The following DEK variants were observed in gnomAD, a reference collection of about 807,000 sequenced individuals.
DEK encodes DEK proto-oncogene, also known as protein DEK.
DEK carries 28 observed loss-of-function variants against 46.8 expected under a neutral mutation model. The ratio of observed to expected loss-of-function variants is 0.60; its 90% CI spans 0.44 to 0.82. DEK has a LOEUF of 0.82. DEK is among the 40% of genes least tolerant of loss of function. The pLI is 0.00. For synonymous variants in DEK, 160 were observed against 144.5 expected, an observed-to-expected ratio of 1.11 and a Z score of -0.77; for missense variants, 416 against 430.6, an observed-to-expected ratio of 0.97 and a Z score of 0.30.
rs989064159 is a variant in DEK at position 18,227,623 on chromosome 6, TTTTTC to T, written c.1048-1386_1048-1382del. Among the ~76,000 whole-genome samples the T allele has an allele frequency of 9.9e-5, 15 of 152,268 alleles. No homozygotes were observed. In the South Asian group the frequency reaches 1.0e-3, roughly 11 times the overall value. ...TATTTCTTTCTCTATACTTTGTGTC[TTTTTC>T]TTTTCTAAGTCTCTCGTTTCACCTA... On this transcript the variant is annotated intron_variant, in intron 9 of 10. Transcript: ENST00000652689.
intron 2 of DEK, among the ~76,000 whole-genome samples, chr6:18,260,094 T>A (rs900504743): frequency 6.6e-6 from 1 of 152,164 alleles, no homozygotes; most frequent in African/African-American, 2.4e-5. Context: ...AGGACGCCCC[T>A]CAGATGCCAA....
chr6:18,227,792 A>T (rs1790208107), intron 9 of DEK, among the ~76,000 whole-genome samples: 1 of 152,226 alleles, frequency 6.6e-6, no homozygotes, highest in South Asian at 2.1e-4. Flanking sequence ...TAAGTTCTTT[A>T]TGTTGGCAAG....
rs771080663 is a variant in DEK at position 18,249,799 on chromosome 6, T to A, written c.614A>T (p.Lys205Ile). ...KSKKTCSKGS[K>I]KERNSSGMAR... ...CATTCCAGAACTGTTCCGTTCCTTT[T>A]TACTGCCTTTGCTACAAGTTTTTTT... The change falls in exon 7 of 11, where the codon AAA becomes ATA. Residue 205 changes from lysine to isoleucine, a missense_variant. By Grantham distance (102) the Lys-to-Ile change is moderately radical. Coordinates refer to ENST00000652689, the MANE Select transcript of DEK (RefSeq NM_003472.4). 3 of 1,604,364 alleles carry A rather than the reference T, an allele frequency of 1.9e-6. No homozygotes were observed. Among genetic ancestry groups the A allele is most frequent in the Non-Finnish European group, 2.5e-6 (3 of 1,177,644 alleles).
At chr6:18,239,920 T>C (rs576423938) in intron 7 of DEK, among the ~76,000 whole-genome samples, 4 of 152,210 alleles carry the variant, frequency 2.6e-5, no homozygotes, top group Non-Finnish European at 5.9e-5. Context: ...TATATATCAT[T>C]TTTTAGTTAA....
intron 7 of DEK, among the ~76,000 whole-genome samples, chr6:18,245,398 T>G (rs1791068619): frequency 6.6e-6 from 1 of 151,272 alleles, no homozygotes; most frequent in Admixed American, 6.6e-5. Context: ...AATAAACTCC[T>G]GTTTCGAACA....
In DEK at chr6:18,257,934, A is replaced by C. The variant is rs1344183531; in HGVS notation, c.357+19T>G. 1 of 1,540,780 alleles carries C rather than the reference A, an allele frequency of 6.5e-7. No homozygotes were observed. Among genetic ancestry groups the C allele is most frequent in the South Asian group, 1.2e-5 (1 of 83,018 alleles). ...GTGAAGTAATATACAAGTAGGTTTAAAGTGTAAAAAGGTCTTACAGTGCCT... is the reference window on the plus strand; with the variant it reads ...GTGAAGTAATATACAAGTAGGTTTACAGTGTAAAAAGGTCTTACAGTGCCT... On this transcript the variant is annotated intron_variant, in intron 4 of 10. Transcript: ENST00000652689.
chr6:18,259,394 C>CAAAAAAAAAAAAAA (rs56704006), intron 2 of DEK, among the ~76,000 whole-genome samples: 2 of 41,482 alleles, frequency 4.8e-5, no homozygotes, highest in Non-Finnish European at 5.2e-5. Context: ...GACTCCGTCT[C>CAAAAAAAAAAAAAA]AAAAAAAAAA....
chr6:18,238,683 CAAA>C (rs201851628), intron 7 of DEK, among the ~76,000 whole-genome samples: 6 of 91,804 alleles, frequency 6.5e-5, no homozygotes, highest in Non-Finnish European at 1.1e-4. Flanking sequence ...GAGACTGTCT[CAAA>C]AAAAAAAAAA....
chr6:18,235,842 G>A (rs1295169438), intron 9 of DEK, among the ~76,000 whole-genome samples: 1 of 152,050 alleles, frequency 6.6e-6, no homozygotes, highest in African/African-American at 2.4e-5. Flanking sequence ...ATCAATGAAT[G>A]GTGAATGAAT....
rs755413381 is a variant in DEK at position 18,237,413 on chromosome 6, GTGC to G, written c.863_865del (p.Ser288del). On this transcript the variant is annotated inframe_deletion, in exon 8 of 11. Transcript: ENST00000652689. Reference sequence around the variant, plus strand: ...GGAACTGTTTTGATTCTTCTTGGTGGTGCTGCTATCTGCTTTCTTAACATTGGC... The same window carrying G: ...GGAACTGTTTTGATTCTTCTTGGTGGTGCTATCTGCTTTCTTAACATTGGC... The G allele has an allele frequency of 6.2e-7, 1 of 1,606,924 alleles. No individual in the cohort carries two copies. The highest frequency in any genetic ancestry group is 8.5e-7 in the Non-Finnish European group (1 of 1,178,532).
At chr6:18,250,923 AT>A (rs2151089818) in intron 6 of DEK, among the ~76,000 whole-genome samples, 1 of 152,352 alleles carries the variant, frequency 6.6e-6, no homozygotes, top group Non-Finnish European at 1.5e-5. Flanking sequence ...ACTGATGCCT[AT>A]AAGTATACAA....
In DEK at chr6:18,224,329, G is replaced by A. The variant is rs1016766389; in HGVS notation, c.*1390C>T. Reference sequence around the variant, plus strand: ...AGTAACTATCAAGAAACAAACCTGTGAAAATACCTGTTAACATTCAACATA... The same window carrying A: ...AGTAACTATCAAGAAACAAACCTGTAAAAATACCTGTTAACATTCAACATA... On this transcript the variant is annotated 3_prime_UTR_variant, in exon 11 of 11. Transcript: ENST00000652689. 1.6e-5 allele frequency: 3 copies of A among 184,224 alleles called. No homozygotes were observed. In the Admixed American group the frequency reaches 1.9e-4, roughly 11 times the overall value. The allele number at this position is 184,224 out of a possible 1,614,324, so 11.4% of individuals were successfully genotyped here.
intron 7 of DEK, 141 bp from the exon 8 acceptor site, chr6:18,237,657 G>C: frequency 8.9e-7 from 1 of 1,119,300 alleles, no homozygotes; most frequent in Non-Finnish European, 1.2e-6. Context: ...TTCTTTTTGA[G>C]AGATGACTAA....
At chr6:18,227,609 C>A (rs940643909) in intron 9 of DEK, among the ~76,000 whole-genome samples, 33 of 152,144 alleles carry the variant, frequency 2.2e-4, no homozygotes, top group African/African-American at 7.2e-4. Context: ...ATTTCTTTCT[C>A]TATACTTTGT....
At chr6:18,228,604 C>G (rs776680045) in intron 9 of DEK, among the ~76,000 whole-genome samples, 1 of 152,206 alleles carries the variant, frequency 6.6e-6, no homozygotes, top group African/African-American at 2.4e-5. Context: ...CGCAAGGGGT[C>G]AGGGAATTCC....
chr6:18,225,664 G>A lies in DEK; in HGVS notation c.*55C>T. On this transcript the variant is annotated 3_prime_UTR_variant, in exon 11 of 11. Transcript: ENST00000652689. ...ATACATTCTCTTTGCTGGTATAATGGTATAAATCAGATCTTCAAATCTATG... is the reference window on the plus strand; with the variant it reads ...ATACATTCTCTTTGCTGGTATAATGATATAAATCAGATCTTCAAATCTATG... 1.3e-6 allele frequency: 2 copies of A among 1,590,636 alleles called. No homozygotes were observed. Among genetic ancestry groups the A allele is most frequent in the Non-Finnish European group, 1.7e-6 (2 of 1,161,984 alleles).
chr6:18,245,781 T>C (rs1181961611), intron 7 of DEK, among the ~76,000 whole-genome samples: 2 of 152,268 alleles, frequency 1.3e-5, no homozygotes, highest in South Asian at 2.1e-4. Flanking sequence ...TTGATACGGT[T>C]TGGCTCTGTG....
At chr6:18,246,823 T>C (rs1191987644) in intron 7 of DEK, among the ~76,000 whole-genome samples, 4 of 152,166 alleles carry the variant, frequency 2.6e-5, no homozygotes, top group Admixed American at 6.6e-5. Context: ...GTAAAATCAA[T>C]CTACCCAAAT....
At chr6:18,237,860 C>CTTTTTTT (rs60332682) in intron 7 of DEK, among the ~76,000 whole-genome samples, 21 of 88,500 alleles carry the variant, frequency 2.4e-4, no homozygotes, top group East Asian at 7.0e-4. Flanking sequence ...CAACTGGAAT[C>CTTTTTTT]TTTTTTTTTT....
Sources: gnomAD v4.1 joint callset for allele counts (sites outside exome capture counted in the v4.1 genomes callset) on GRCh38, gnomAD v4.1.1 for gene constraint, MANE v1.5 for transcripts, NCBI Gene and HGNC (gene_info 2026-07-23, HGNC 2026-07-21) for gene names.